SEMA3A: variants seen among roughly 807,000 people sequenced by gnomAD.
SEMA3A encodes the protein semaphorin 3A, also known as semaphorin-3A.
SEMA3A carries 29 observed loss-of-function variants against 97.9 expected under a neutral mutation model. That is an observed-to-expected ratio of 0.30 (90% CI 0.22 to 0.40). The LOEUF (loss-of-function observed/expected upper bound fraction) is 0.40, where lower values mean the gene tolerates loss of function less well. Ranked by LOEUF, SEMA3A falls within the 10% of genes least tolerant of loss-of-function variation. The pLI is 1.00. For synonymous variants in SEMA3A, 321 were observed against 323.7 expected (o/e 0.99, Z 0.09); for missense variants, 763 against 951.3 (o/e 0.80, Z 2.60).
chr7:84,410,524 TA>T (rs1046408109), intron 1 of SEMA3A, among the ~76,000 whole-genome samples: 2 of 152,098 alleles, frequency 1.3e-5, no homozygotes, highest in African/African-American at 4.8e-5. Flanking sequence ...ATTTTAGTTT[TA>T]AGGAGAGGTG....
chr7:84,285,986 A>AAAG (rs1200006183), intron 3 of SEMA3A, among the ~76,000 whole-genome samples: 2 of 150,576 alleles, frequency 1.3e-5, no homozygotes, highest in East Asian at 1.9e-4. Flanking sequence ...AAAAAAAAAA[A>AAAG]AAGAAGAAGA....
At chr7:84,244,411 C>A (rs569781731) in intron 3 of SEMA3A, among the ~76,000 whole-genome samples, 1 of 152,234 alleles carries the variant, frequency 6.6e-6, no homozygotes, top group South Asian at 2.1e-4. Flanking sequence ...AAGATTGCAA[C>A]CCCTGCTGTT....
At chr7:84,366,439 A>C (rs988949061) in intron 2 of SEMA3A, among the ~76,000 whole-genome samples, 18 of 151,480 alleles carry the variant, frequency 1.2e-4, no homozygotes, top group African/African-American at 4.4e-4. Context: ...ATTATAAATG[A>C]TGATGACATG....
rs1479597634 is a variant in SEMA3A, at chr7:83,958,321, A to G, written c.*3050T>C. 6.6e-6 allele frequency: 1 copy of G among 152,552 alleles called. No homozygotes were observed. The highest frequency in any genetic ancestry group is 2.4e-5 in the African/African-American group (1 of 41,458). 9.4% of individuals were successfully genotyped at this position (152,552 alleles called of 1,614,324 possible). A position where few individuals can be genotyped will look rare whatever the true frequency, so the allele number is the denominator to read the frequency against. On this transcript the variant is annotated 3_prime_UTR_variant, in exon 17 of 17. Coordinates refer to ENST00000265362, the MANE Select transcript of SEMA3A (RefSeq NM_006080.3). The stretch of plus-strand genomic sequence containing the variant: ...CTTAACACCATATGTTATAGGGAAC[A>G]GTAAAGACATCTGAATTCAAATATT...
intron 1 of SEMA3A, among the ~76,000 whole-genome samples, chr7:84,387,399 C>T (rs520178): frequency 0.096 from 14,637 of 151,978 alleles, 1,252 homozygotes; most frequent in African/African-American, 0.21. Context: ...GGTGTGACAC[C>T]ATTCTAAGAA....
chr7:84,159,117 T>G (rs1796944889), intron 1 of SEMA3A, among the ~76,000 whole-genome samples: 1 of 152,178 alleles, frequency 6.6e-6, no homozygotes, highest in South Asian at 2.1e-4. Context: ...TTTTTCATTT[T>G]TTTTTAAAGA....
intron 1 of SEMA3A, among the ~76,000 whole-genome samples, chr7:84,434,774 C>G (rs1309062963): frequency 6.6e-6 from 1 of 152,106 alleles, no homozygotes; most frequent in African/African-American, 2.4e-5. Flanking sequence ...ATGATCATCT[C>G]AATAAATACA....
intron 5 of SEMA3A, among the ~76,000 whole-genome samples, chr7:84,059,484 A>T (rs1793129428): frequency 6.6e-6 from 1 of 152,120 alleles, no homozygotes; most frequent in Non-Finnish European, 1.5e-5. Flanking sequence ...GGAAAAAATT[A>T]TAAGAAGAGA....
At chr7:84,343,554 T>C (rs1209296273) in intron 2 of SEMA3A, among the ~76,000 whole-genome samples, 1 of 152,154 alleles carries the variant, frequency 6.6e-6, no homozygotes, top group East Asian at 1.9e-4. Context: ...TACTTCAAAT[T>C]CTGCCAAATG....
At chr7:84,267,151 A>G (rs1800026447) in intron 3 of SEMA3A, among the ~76,000 whole-genome samples, 1 of 152,308 alleles carries the variant, frequency 6.6e-6, no homozygotes, top group South Asian at 2.1e-4. Flanking sequence ...GGAAATGTTT[A>G]TTGGAGCATT....
chr7:83,988,465 G>A lies in SEMA3A; in HGVS notation c.1453-2988C>T, dbSNP rs1385615303. Among the ~76,000 whole-genome samples the A allele has an allele frequency of 4.6e-5, 7 of 151,934 alleles. No individual in the cohort carries two copies. The South Asian group carries it at 6.2e-4, about 14-fold the overall frequency. ...AGGATGGTCTCGATCTCCCGACCTC[G>A]TGATCCGCCACCTCAGCCTCCCAAC... On this transcript the variant is annotated intron_variant, in intron 12 of 16. Transcript: ENST00000265362.
intron 1 of SEMA3A, among the ~76,000 whole-genome samples, chr7:84,476,763 T>A (rs1806293870): frequency 1.3e-5 from 2 of 152,128 alleles, no homozygotes; most frequent in African/African-American, 4.8e-5. Context: ...TCTTACATTG[T>A]AGCTGAAAAT....
chr7:84,005,282 T>A, intron 11 of SEMA3A, 57 bp downstream of exon 11: 1 of 1,238,986 alleles, frequency 8.1e-7, no homozygotes, highest in Admixed American at 1.7e-5. Context: ...AAGATCAACT[T>A]AATCAGTTAA....
At chr7:84,026,713 C>G (rs1427956683) in intron 6 of SEMA3A, among the ~76,000 whole-genome samples, 1 of 152,052 alleles carries the variant, frequency 6.6e-6, no homozygotes, top group African/African-American at 2.4e-5. Context: ...TGGATGGGGC[C>G]GGAGGCTCTT....
At chr7:84,036,995 A>C (rs1402815615) in intron 6 of SEMA3A, among the ~76,000 whole-genome samples, 1 of 152,054 alleles carries the variant, frequency 6.6e-6, no homozygotes, top group East Asian at 1.9e-4. Flanking sequence ...GATGTCATTG[A>C]TTTTATTAAG....
intron 6 of SEMA3A, among the ~76,000 whole-genome samples, chr7:84,024,936 A>AAGT (rs1386357132): frequency 2.0e-5 from 3 of 151,900 alleles, no homozygotes; most frequent in Non-Finnish European, 4.4e-5. Context: ...AAAACACAAA[A>AAGT]AGTAGCCGGG....
At chr7:84,018,416 A>G (rs1791189029) in intron 6 of SEMA3A, among the ~76,000 whole-genome samples, 1 of 152,202 alleles carries the variant, frequency 6.6e-6, no homozygotes, top group South Asian at 2.1e-4. Flanking sequence ...GGATTGTGGA[A>G]GATTAGGGCA....
At chr7:84,275,315 G>A (rs1008281919) in intron 3 of SEMA3A, among the ~76,000 whole-genome samples, 5 of 152,040 alleles carry the variant, frequency 3.3e-5, no homozygotes, top group African/African-American at 1.2e-4. Flanking sequence ...TTAATGACAT[G>A]AGACAATCTG....
intron 1 of SEMA3A, among the ~76,000 whole-genome samples, chr7:84,158,715 A>T (rs894389787): frequency 4.6e-5 from 7 of 152,326 alleles, no homozygotes; most frequent in Non-Finnish European, 8.8e-5. Flanking sequence ...TGCTCAGAAG[A>T]AATTAATTAA....
Sources: allele counts gnomAD v4.1 joint callset (sites outside exome capture counted in the v4.1 genomes callset), GRCh38; gene constraint gnomAD v4.1.1; transcripts MANE v1.5; gene names NCBI Gene and HGNC (gene_info 2026-07-23, HGNC 2026-07-21).